Variants in PTPRD observed in about 807,000 individuals in gnomAD.
PTPRD encodes the protein receptor-type tyrosine-protein phosphatase delta.
A neutral mutation model predicts 214.5 loss-of-function variants in PTPRD; 34 were observed. The ratio of observed to expected loss-of-function variants is 0.16; its 90% confidence interval spans 0.12 to 0.21. The LOEUF is 0.21. PTPRD is among the 10% of genes least tolerant of loss of function. PTPRD has a pLI of 1.00. For missense variants in PTPRD, 2,545 were observed against 2,398.7 expected, an observed-to-expected ratio of 1.06 and a Z score of -1.27; for synonymous variants, 1,128 against 845.7, an observed-to-expected ratio of 1.33 and a Z score of -5.79.
At chr9:8,793,322 G>A (rs189057875) in intron 11 of PTPRD, among the ~76,000 whole-genome samples, 1 of 152,100 alleles carries the variant, frequency 6.6e-6, no homozygotes, top group Non-Finnish European at 1.5e-5. Context: ...AACTGATAAG[G>A]AATTGAGGGT....
intron 8 of PTPRD, among the ~76,000 whole-genome samples, chr9:9,405,549 G>A (rs765481138): frequency 6.6e-6 from 1 of 152,014 alleles, no homozygotes; most frequent in Non-Finnish European, 1.5e-5. Context: ...ACATTAGCCT[G>A]GGTAAATCTA....
At chr9:10,239,163 A>C (rs1003675810) in intron 3 of PTPRD, among the ~76,000 whole-genome samples, 2 of 152,010 alleles carry the variant, frequency 1.3e-5, no homozygotes, top group African/African-American at 4.8e-5. Context: ...AAATTTAAAA[A>C]AGATTAATCT....
At chr9:9,924,147 A>G (rs1174561133) in intron 5 of PTPRD, among the ~76,000 whole-genome samples, 3 of 152,030 alleles carry the variant, frequency 2.0e-5, no homozygotes, top group African/African-American at 7.2e-5. Context: ...CAGAAACAAC[A>G]CATTGAGAGA....
At chr9:9,436,889 C>CA (rs34882181) in intron 8 of PTPRD, among the ~76,000 whole-genome samples, 64,795 of 143,888 alleles carry the variant, frequency 0.45, 14,472 homozygotes, top group Non-Finnish European at 0.49. Flanking sequence ...GTTACTAAGG[C>CA]AAAAAAAAAA....
At chr9:9,799,801 C>G (rs1364211155) in intron 5 of PTPRD, among the ~76,000 whole-genome samples, 3 of 151,942 alleles carry the variant, frequency 2.0e-5, no homozygotes, top group Non-Finnish European at 2.9e-5. Context: ...AAGGACAAAG[C>G]AAGGAAGATA....
Position 9,641,556 on chromosome 9 carries a change from T to A in PTPRD, c.-286-66775A>T, listed in dbSNP as rs542894529. On this transcript the variant is annotated intron_variant, in intron 7 of 45. Coordinates refer to ENST00000381196, the MANE Select transcript of PTPRD (RefSeq NM_002839.4). ...CTGACACAGACCTCCATAACAACTG[T>A]TTCTGTACTGACTGAGTGGTTAAGT... Among the ~76,000 whole-genome samples, 32 of 152,222 alleles carry A rather than the reference T, an allele frequency of 2.1e-4. No individual in the cohort carries two copies. The South Asian group carries it at 5.6e-3, about 27-fold the overall frequency.
chr9:9,418,819 G>C (rs968436190), intron 8 of PTPRD, among the ~76,000 whole-genome samples: 3 of 151,936 alleles, frequency 2.0e-5, no homozygotes, highest in Non-Finnish European at 4.4e-5. Flanking sequence ...ATTTGAACCA[G>C]ACTGGTTTAA....
chr9:10,540,675 G>T (rs1045663606), intron 2 of PTPRD, among the ~76,000 whole-genome samples: 1 of 152,102 alleles, frequency 6.6e-6, no homozygotes, highest in Non-Finnish European at 1.5e-5. Flanking sequence ...TGGCTAGGTG[G>T]ATGCATTTTT....
chr9:9,369,082 G>C (rs917788702), intron 9 of PTPRD, among the ~76,000 whole-genome samples: 28 of 151,998 alleles, frequency 1.8e-4, no homozygotes, highest in African/African-American at 6.3e-4. Flanking sequence ...CCCTACAAAG[G>C]ACATGAACTC....
At chr9:8,386,366 T>C (rs1308322610) in intron 37 of PTPRD, among the ~76,000 whole-genome samples, 1 of 152,202 alleles carries the variant, frequency 6.6e-6, no homozygotes, top group Non-Finnish European at 1.5e-5. Context: ...CTGCTGCAAA[T>C]CTATGGTCAG....
intron 11 of PTPRD, among the ~76,000 whole-genome samples, chr9:8,786,970 G>A (rs1566054840): frequency 6.6e-6 from 1 of 151,996 alleles, no homozygotes; most frequent in African/African-American, 2.4e-5. Context: ...AGTGGCAGCT[G>A]GGACTACAGG....
chr9:8,993,755 C>T (rs1366680183), intron 11 of PTPRD, among the ~76,000 whole-genome samples: 2 of 152,090 alleles, frequency 1.3e-5, no homozygotes, highest in African/African-American at 2.4e-5. Context: ...AAGAGTTTCT[C>T]AGACTTTTCA....
chr9:9,227,232 T>C (rs1225965447), intron 9 of PTPRD, among the ~76,000 whole-genome samples: 1 of 152,108 alleles, frequency 6.6e-6, no homozygotes, highest in Admixed American at 6.6e-5. Context: ...TGAGTAATTT[T>C]TTTCCATTTC....
At chr9:9,212,230 C>T (rs1349000918) in intron 9 of PTPRD, among the ~76,000 whole-genome samples, 2 of 152,066 alleles carry the variant, frequency 1.3e-5, no homozygotes, top group Admixed American at 6.6e-5. Context: ...TCTATTAGCA[C>T]ATTTGAAAAC....
At chr9:9,940,258 G>A (rs1035046080) in intron 4 of PTPRD, among the ~76,000 whole-genome samples, 1 of 152,002 alleles carries the variant, frequency 6.6e-6, no homozygotes, top group African/African-American at 2.4e-5. Flanking sequence ...CAGCACAGAT[G>A]GAAGTCTGAG....
intron 5 of PTPRD, among the ~76,000 whole-genome samples, chr9:9,799,258 T>G (rs2099023307): frequency 6.6e-6 from 1 of 151,746 alleles, no homozygotes; most frequent in South Asian, 2.1e-4. Flanking sequence ...GAAGGAGAGT[T>G]AAACTTAAAA....
At chr9:9,590,083 T>C (rs2092560347) in intron 7 of PTPRD, among the ~76,000 whole-genome samples, 3 of 152,144 alleles carry the variant, frequency 2.0e-5, no homozygotes, top group South Asian at 4.1e-4. Flanking sequence ...ATAAAACATA[T>C]AATGTCAATA....
intron 7 of PTPRD, among the ~76,000 whole-genome samples, chr9:9,607,615 G>A (rs778908565): frequency 4.1e-4 from 62 of 152,122 alleles, no homozygotes; most frequent in Non-Finnish European, 5.6e-4. Context: ...AATTTGAAAC[G>A]CCTGAGAGGA....
chr9:9,498,001 A>T (rs1212345478), intron 8 of PTPRD, among the ~76,000 whole-genome samples: 1 of 152,116 alleles, frequency 6.6e-6, no homozygotes, highest in Non-Finnish European at 1.5e-5. Context: ...TGAGTAATGT[A>T]TTTTGCTTGC....
Sources: allele counts gnomAD v4.1 joint callset (sites outside exome capture counted in the v4.1 genomes callset), GRCh38; gene constraint gnomAD v4.1.1; transcripts MANE v1.5; gene names NCBI Gene and HGNC (gene_info 2026-07-23, HGNC 2026-07-21).